Variants in CCAR2 observed in about 807,000 individuals in gnomAD.
The protein encoded by CCAR2 is cell cycle and apoptosis regulator 2, also known as cell cycle and apoptosis regulator protein 2.
A neutral mutation model predicts 108.1 loss-of-function variants in CCAR2; 21 were observed. The ratio of observed to expected loss-of-function variants is 0.19; its 90% CI spans 0.14 to 0.28. The LOEUF (loss-of-function observed/expected upper bound fraction) is 0.28, where lower values mean the gene tolerates loss of function less well. Ranked by LOEUF, CCAR2 falls within the 10% of genes least tolerant of loss-of-function variation. The probability of loss-of-function intolerance (pLI) is 1.00; values close to 1 mark genes in which losing one functional copy is unlikely to be tolerated. For missense variants in CCAR2, 1,126 were observed against 1,177.0 expected, an observed-to-expected ratio of 0.96 and a Z score of 0.63; for synonymous variants, 577 against 472.8, an observed-to-expected ratio of 1.22 and a Z score of -2.86.
chr8:22,614,768 A>T (rs113423385), intron 10 of CCAR2, 70 bp from the exon 11 acceptor site: 46 of 968,084 alleles, frequency 4.8e-5, no homozygotes, highest in African/African-American at 6.3e-5. Flanking sequence ...GATGGGTGGC[A>T]GCCTTGCCCT....
chr8:22,616,459 CA>C, intron 14 of CCAR2: 1 of 587,536 alleles, frequency 1.7e-6, no homozygotes, highest in Non-Finnish European at 3.0e-6. Flanking sequence ...CCTGACAGCA[CA>C]GAAACCCTTG....
At chr8:22,616,287 C>G in intron 14 of CCAR2, 39 bp downstream of exon 14, 1 of 1,571,546 alleles carries the variant, frequency 6.4e-7, no homozygotes. Flanking sequence ...TAGTGCTTAC[C>G]GTGACCGCGC....
chr8:22,617,120 G>A (rs941683784), intron 14 of CCAR2, among the ~76,000 whole-genome samples: 2 of 151,706 alleles, frequency 1.3e-5, no homozygotes, highest in Non-Finnish European at 2.9e-5. Context: ...GGAGTGCTGG[G>A]ATTACAGGTG....
intron 7 of CCAR2, among the ~76,000 whole-genome samples, chr8:22,609,013 A>C (rs1426870384): frequency 6.6e-6 from 1 of 152,090 alleles, no homozygotes; most frequent in Non-Finnish European, 1.5e-5. Context: ...CAGTTTTGAC[A>C]AATGGGAAAT....
At chr8:22,614,656 A>G (rs1347082806) in intron 10 of CCAR2, 153 bp downstream of exon 10, 1 of 1,036,424 alleles carries the variant, frequency 9.6e-7, no homozygotes, top group Non-Finnish European at 1.5e-6. Context: ...TGCAGCTCAG[A>G]GCTGTTACGA....
intron 14 of CCAR2, chr8:22,616,772 C>T (rs543703100): frequency 1.1e-3 from 167 of 151,170 alleles, no homozygotes; most frequent in Non-Finnish European, 1.9e-3. Flanking sequence ...GCCGAGGTCG[C>T]GCCACTGCAG....
At chr8:22,607,378 C>T in intron 6 of CCAR2, 53 bp downstream of exon 6, 1 of 1,584,564 alleles carries the variant, frequency 6.3e-7, no homozygotes, top group East Asian at 2.3e-5. Flanking sequence ...TAGTTTAGAT[C>T]AATGGACTTT....
intron 10 of CCAR2, 102 bp downstream of exon 10, chr8:22,614,605 A>G (rs535609483): frequency 1.7e-6 from 2 of 1,176,022 alleles, no homozygotes; most frequent in South Asian, 2.5e-5. Context: ...AAAACGAGGC[A>G]TCTCAGAGCC....
At chr8:22,612,956 G>A in intron 7 of CCAR2, 61 bp from the exon 8 acceptor site, 1 of 1,514,062 alleles carries the variant, frequency 6.6e-7, no homozygotes, top group Non-Finnish European at 8.9e-7. Context: ...TTTTAGTTCA[G>A]TTTGTATTGA....
chr8:22,614,773 T>TCATCCTGATGG (rs756374181), intron 10 of CCAR2, 65 bp from the exon 11 acceptor site: 3 of 1,602,462 alleles, frequency 1.9e-6, no homozygotes, highest in Admixed American at 1.7e-5. Flanking sequence ...GTGGCAGCCT[T>TCATCCTGATGG]GCCCTGCAGT....
In CCAR2 at chr8:22,616,108, T is replaced by A; in HGVS notation, c.1705T>A (p.Ser569Thr). The change falls in exon 14 of 21, where the codon TCC becomes ACC. Residue 569 changes from serine to threonine, a missense_variant. Physicochemically the swap from Ser to Thr is moderately conservative, Grantham distance 58 (BLOSUM62 1). This residue lies in a region of CCAR2 where 1,013 missense variants were observed against 993.9 expected (regional missense o/e 1.02). Coordinates refer to ENST00000308511, the MANE Select transcript of CCAR2 (RefSeq NM_001393997.1). ...ACTGAGCCTTCCTGAAAAGGTCGTG[T>A]CCCCACCTGAACCTGAGAAGGAGGA... The part of the protein sequence containing the change: ...MLLSLPEKVV[S>T]PPEPEKEEAA... The A allele has an allele frequency of 6.2e-7, 1 of 1,613,866 alleles. No homozygotes were observed. The highest frequency in any genetic ancestry group is 8.5e-7 in the Non-Finnish European group (1 of 1,179,994).
intron 10 of CCAR2, 156 bp from the exon 11 acceptor site, chr8:22,614,682 G>A (rs776910324): frequency 2.7e-5 from 29 of 1,071,082 alleles, no homozygotes; most frequent in South Asian, 1.3e-4. Flanking sequence ...CAGAGAGAGC[G>A]AGGTGGCTGG....
chr8:22,606,813 G>A, intron 4 of CCAR2, 97 bp from the exon 5 acceptor site: 6 of 1,492,756 alleles, frequency 4.0e-6, no homozygotes, highest in South Asian at 2.3e-5. Flanking sequence ...TGTGCAAGGT[G>A]TGGGAAATCT....
In CCAR2 at chr8:22,606,164, C is replaced by G; in HGVS notation, c.138C>G (p.Ala46=). The G allele has an allele frequency of 6.2e-7, 1 of 1,613,770 alleles. No individual in the cohort carries two copies. Among genetic ancestry groups the G allele is most frequent in the Non-Finnish European group, 8.5e-7 (1 of 1,179,648 alleles). ...PPVATELSQN[A]RHLQGGEKQR... The stretch of plus-strand genomic sequence containing the variant: ...TGGCCACAGAACTGTCCCAGAATGC[C>G]AGGCACCTTCAGGTAGGTTCGGCAT... The change falls in exon 3 of 21, where the codon GCC becomes GCG. Residue 46 remains alanine, a synonymous_variant. Coordinates refer to ENST00000308511, the MANE Select transcript of CCAR2 (RefSeq NM_001393997.1).
chr8:22,616,256 C>G lies in CCAR2; in HGVS notation c.1845+8C>G, dbSNP rs1183630447. On this transcript the variant is annotated splice_region_variant and intron_variant, in intron 14 of 20. Transcript: ENST00000308511. ...GAGTCAGAGGCCCCGCTGGTGAGTACCCTGCCACCTCGGGCTGTCATAGTG... is the reference window on the plus strand; with the variant it reads ...GAGTCAGAGGCCCCGCTGGTGAGTAGCCTGCCACCTCGGGCTGTCATAGTG... The G allele has an allele frequency of 1.9e-6, 3 of 1,610,274 alleles. No homozygotes were observed. In the African/African-American group the frequency reaches 4.0e-5, roughly 22 times the overall value.
chr8:22,605,698 C>T (rs1244512691), intron 1 of CCAR2, 38 bp from the exon 2 acceptor site: 11 of 1,273,548 alleles, frequency 8.6e-6, no homozygotes, highest in African/African-American at 1.5e-5. Context: ...TGGAAATTTC[C>T]CTTATAAGCT....
At position 22,614,415 on chromosome 8, in the gene CCAR2, T is replaced by C; in HGVS notation, c.953T>C (p.Leu318Ser). 6.2e-7 allele frequency: 1 copy of C among 1,614,034 alleles called. No individual in the cohort carries two copies. Among genetic ancestry groups the C allele is most frequent in the Non-Finnish European group, 8.5e-7 (1 of 1,179,978 alleles). The stretch of plus-strand genomic sequence containing the variant: ...GTACTGCTGCTCTCTTCCCCGGGGT[T>C]GGAGGAATTGTATCGTTGTTGCATG... ...SKVLLLSSPG[L>S]EELYRCCMLF... is the part of the protein sequence containing the mutation. The change falls in exon 10 of 21, where the codon TTG becomes TCG. Residue 318 changes from leucine (L) to serine (S), a missense_variant. Physicochemically the swap from Leu to Ser is moderately radical, Grantham distance 145. This residue lies in a region of CCAR2 where 1,013 missense variants were observed against 993.9 expected (regional missense o/e 1.02). Transcript: ENST00000308511.
At position 22,607,885 on chromosome 8, in the gene CCAR2, C is replaced by CA. The variant is rs1801138949; in HGVS notation, c.488-81dup. 6.3e-6 allele frequency: 7 copies of CA among 1,103,870 alleles called. No individual in the cohort carries two copies. In the East Asian group the frequency reaches 7.1e-5, roughly 11 times the overall value. 68.4% of individuals were successfully genotyped at this position (1,103,870 alleles called of 1,614,324 possible). A position where few individuals can be genotyped will look rare whatever the true frequency, so the allele number is the denominator to read the frequency against. On this transcript the variant is annotated intron_variant, in intron 6 of 20. Transcript: ENST00000308511. The stretch of plus-strand genomic sequence containing the variant: ...AAGTGATCCATCTGCACTGTCCTCT[C>CA]AAAGTGCTGGGATTACAGGTGTGAG...
In CCAR2 at chr8:22,619,362, TG is replaced by T; in HGVS notation, c.2727+12del. ...CCAGCGGGTGGTGGAAAAGGTAAGGTGGGGGTGGACCAGGAGGCAGCACAGC... is the reference window on the plus strand; with the variant it reads ...CCAGCGGGTGGTGGAAAAGGTAAGGTGGGGTGGACCAGGAGGCAGCACAGC... On this transcript the variant is annotated splice_region_variant and intron_variant, in intron 20 of 20. Transcript: ENST00000308511. The T allele has an allele frequency of 6.4e-7, 1 of 1,554,754 alleles. No individual in the cohort carries two copies. Among genetic ancestry groups the T allele is most frequent in the South Asian group, 1.2e-5 (1 of 84,430 alleles).
Sources: allele counts gnomAD v4.1 joint callset (sites outside exome capture counted in the v4.1 genomes callset), GRCh38; gene constraint gnomAD v4.1.1; regional missense constraint gnomAD v4.1.1; transcripts MANE v1.5; gene names NCBI Gene and HGNC (gene_info 2026-07-23, HGNC 2026-07-21).